Variants in PID1 observed in about 807,000 individuals in gnomAD.
PID1 encodes phosphotyrosine interaction domain containing 1, also known as PTB-containing, cubilin and LRP1-interacting protein.
In PID1, 10 loss-of-function variants were observed where a neutral mutation model predicts 19.1. That is an observed-to-expected ratio of 0.52 (90% CI 0.32 to 0.89). The LOEUF (loss-of-function observed/expected upper bound fraction) is 0.89, where lower values mean the gene tolerates loss of function less well. Ranked by LOEUF, PID1 falls within the 40% of genes least tolerant of loss-of-function variation. The pLI is 0.03. For missense variants in PID1, 248 were observed against 285.3 expected, an observed-to-expected ratio of 0.87 and a Z score of 0.94; for synonymous variants, 130 against 116.0, an observed-to-expected ratio of 1.12 and a Z score of -0.78.
chr2:229,155,771 T>G (rs1185338849), intron 2 of PID1, 47 bp downstream of exon 2: 4 of 1,542,864 alleles, frequency 2.6e-6, no homozygotes, highest in Admixed American at 1.9e-5. Context: ...CACACATCTT[T>G]GAGGCTATCT....
At chr2:229,166,585 G>A (rs545185942) in intron 1 of PID1, among the ~76,000 whole-genome samples, 1 of 152,208 alleles carries the variant, frequency 6.6e-6, no homozygotes, top group Non-Finnish European at 1.5e-5. Flanking sequence ...CCTCTAACAT[G>A]GTGCCTTCCT....
At chr2:229,124,941 C>T (rs1282745808) in intron 2 of PID1, among the ~76,000 whole-genome samples, 1 of 152,138 alleles carries the variant, frequency 6.6e-6, no homozygotes, top group Admixed American at 6.5e-5. Context: ...TTATTTTCCT[C>T]TGGTCAATTT....
At chr2:229,215,532 C>G (rs370360214) in intron 1 of PID1, among the ~76,000 whole-genome samples, 7 of 152,316 alleles carry the variant, frequency 4.6e-5, no homozygotes, top group African/African-American at 1.7e-4. Context: ...TTTATTCTCA[C>G]AATTCCCCTT....
intron 1 of PID1, among the ~76,000 whole-genome samples, chr2:229,176,166 A>AC (rs1690818477): frequency 2.1e-5 from 3 of 140,978 alleles, no homozygotes; most frequent in East Asian, 2.0e-4. Flanking sequence ...AATTAAAAAA[A>AC]AAAAAACAAA....
At chr2:229,039,525 C>G (rs1693725679) in intron 2 of PID1, among the ~76,000 whole-genome samples, 1 of 152,098 alleles carries the variant, frequency 6.6e-6, no homozygotes, top group African/African-American at 2.4e-5. Context: ...ACTATTTAAA[C>G]TTAGAACAAA....
At chr2:229,051,676 A>G (rs1693999431) in intron 2 of PID1, among the ~76,000 whole-genome samples, 1 of 152,188 alleles carries the variant, frequency 6.6e-6, no homozygotes, top group African/African-American at 2.4e-5. Context: ...TACATAACAA[A>G]GTAACAATAC....
chr2:229,094,692 C>A (rs1172394295), intron 2 of PID1, among the ~76,000 whole-genome samples: 1 of 151,854 alleles, frequency 6.6e-6, no homozygotes, highest in Non-Finnish European at 1.5e-5. Context: ...GGAAAGAACA[C>A]CCTATTCAAT....
chr2:229,186,260 GC>G (rs1691128780), intron 1 of PID1, among the ~76,000 whole-genome samples: 1 of 152,134 alleles, frequency 6.6e-6, no homozygotes, highest in Admixed American at 6.5e-5. Context: ...TAGTGGGCTG[GC>G]ATTGAGTGTC....
intron 2 of PID1, among the ~76,000 whole-genome samples, chr2:229,118,625 C>T (rs1425582928): frequency 6.6e-6 from 1 of 152,108 alleles, no homozygotes; most frequent in Non-Finnish European, 1.5e-5. Context: ...AGATAAAATG[C>T]TATCCATCCC....
chr2:229,196,603 C>A (rs546016837), intron 1 of PID1, among the ~76,000 whole-genome samples: 3 of 152,190 alleles, frequency 2.0e-5, no homozygotes, highest in Admixed American at 2.0e-4. Context: ...TAAAGCTTCT[C>A]AGACTGGGCT....
At chr2:229,041,786 C>T (rs774524816) in intron 2 of PID1, among the ~76,000 whole-genome samples, 1 of 151,992 alleles carries the variant, frequency 6.6e-6, no homozygotes, top group Non-Finnish European at 1.5e-5. Context: ...CCCCTGAACC[C>T]AATCTTACGG....
At chr2:229,155,381 A>G (rs1391951995) in intron 2 of PID1, among the ~76,000 whole-genome samples, 1 of 152,054 alleles carries the variant, frequency 6.6e-6, no homozygotes, top group Non-Finnish European at 1.5e-5. Context: ...CCTAGCTAAC[A>G]TGGTGAAACC....
chr2:229,154,518 C>G (rs760136382), intron 2 of PID1, among the ~76,000 whole-genome samples: 4 of 152,122 alleles, frequency 2.6e-5, no homozygotes, highest in Non-Finnish European at 5.9e-5. Flanking sequence ...GTGGGTTTTG[C>G]CCACACTGTG....
chr2:229,056,357 G>C (rs1229235387), intron 2 of PID1, among the ~76,000 whole-genome samples: 2 of 151,942 alleles, frequency 1.3e-5, no homozygotes, highest in Non-Finnish European at 2.9e-5. Flanking sequence ...GCAATATTGT[G>C]GCCCTAGATA....
chr2:229,229,732 G>A (rs1692161657), intron 1 of PID1, among the ~76,000 whole-genome samples: 1 of 152,232 alleles, frequency 6.6e-6, no homozygotes, highest in Admixed American at 6.5e-5. Flanking sequence ...CAACTCAAAT[G>A]TCAGAAATCC....
intron 1 of PID1, among the ~76,000 whole-genome samples, chr2:229,162,724 T>C (rs1488440132): frequency 6.6e-6 from 1 of 152,206 alleles, no homozygotes; most frequent in East Asian, 1.9e-4. Context: ...TTTTATTACT[T>C]TGGGGATTCG....
chr2:229,089,003 T>C (rs889147316), intron 2 of PID1, among the ~76,000 whole-genome samples: 29 of 152,190 alleles, frequency 1.9e-4, no homozygotes, highest in African/African-American at 6.5e-4. Flanking sequence ...TCTCTCCTAC[T>C]GAAAGCCTGT....
chr2:229,254,527 A>G (rs932837246), intron 1 of PID1, among the ~76,000 whole-genome samples: 1 of 152,218 alleles, frequency 6.6e-6, no homozygotes, highest in Non-Finnish European at 1.5e-5. Flanking sequence ...TTAGGCCATG[A>G]AGGTTAAGTA....
At chr2:229,260,817 A>ATTTTTTTTTTTTTTTTTTTT (rs66533277) in intron 1 of PID1, among the ~76,000 whole-genome samples, 1 of 114,654 alleles carries the variant, frequency 8.7e-6, no homozygotes. Flanking sequence ...TCTGATTGCC[A>ATTTTTTTTTTTTTTTTTTTT]TTTTTTTTTT....
Sources: allele counts gnomAD v4.1 joint callset (sites outside exome capture counted in the v4.1 genomes callset), GRCh38; gene constraint gnomAD v4.1.1; transcripts MANE v1.5; gene names NCBI Gene and HGNC (gene_info 2026-07-23, HGNC 2026-07-21).